The following NEGR1 variants were observed in gnomAD, a reference collection of about 807,000 sequenced individuals.
The protein encoded by NEGR1 is IgLON family member 4.
NEGR1 carries 10 observed loss-of-function variants against 40.9 expected under a neutral mutation model. The ratio of observed to expected loss-of-function variants is 0.24; its 90% CI spans 0.15 to 0.42. The LOEUF (loss-of-function observed/expected upper bound fraction) is 0.42, where lower values mean the gene tolerates loss of function less well. Among genes scored for constraint, NEGR1 ranks in the 10% least tolerant of loss-of-function variants. The probability of loss-of-function intolerance (pLI) is 1.00; values close to 1 mark genes in which losing one functional copy is unlikely to be tolerated. For missense variants in NEGR1, 352 were observed against 438.9 expected, an observed-to-expected ratio of 0.80 and a Z score of 1.77; for synonymous variants, 185 against 166.8, an observed-to-expected ratio of 1.11 and a Z score of -0.84.
At chr1:71,408,468 G>A (rs938833474) in intron 6 of NEGR1, among the ~76,000 whole-genome samples, 2 of 151,988 alleles carry the variant, frequency 1.3e-5, no homozygotes, top group African/African-American at 4.8e-5. Context: ...CATGGTACTT[G>A]GCTAACAGTC....
intron 3 of NEGR1, among the ~76,000 whole-genome samples, chr1:71,763,987 T>C (rs1412488896): frequency 6.6e-6 from 1 of 152,110 alleles, no homozygotes; most frequent in African/African-American, 2.4e-5. Flanking sequence ...AGCCATGTAG[T>C]ATAAAGAAGA....
At chr1:71,820,602 G>A (rs1277535267) in intron 2 of NEGR1, among the ~76,000 whole-genome samples, 3 of 151,964 alleles carry the variant, frequency 2.0e-5, no homozygotes, top group African/African-American at 7.2e-5. Context: ...GTTGCGGTTA[G>A]GGTCCATCTT....
intron 1 of NEGR1, among the ~76,000 whole-genome samples, chr1:72,206,743 G>C (rs1389261843): frequency 6.6e-6 from 1 of 152,048 alleles, no homozygotes; most frequent in East Asian, 1.9e-4. Flanking sequence ...TAGAGATGTA[G>C]ATTTGCTAAA....
intron 1 of NEGR1, among the ~76,000 whole-genome samples, chr1:72,193,127 T>C (rs755268706): frequency 3.3e-5 from 5 of 151,748 alleles, no homozygotes; most frequent in African/African-American, 4.8e-5. Flanking sequence ...CATAAGACAA[T>C]AGAAAAATCA....
intron 6 of NEGR1, among the ~76,000 whole-genome samples, chr1:71,428,082 C>T (rs1303740749): frequency 6.6e-6 from 1 of 152,090 alleles, no homozygotes; most frequent in Non-Finnish European, 1.5e-5. Context: ...AAGACACTTA[C>T]TGAAAGGGCA....
chr1:71,702,739 A>AC (rs1653741598), intron 3 of NEGR1, among the ~76,000 whole-genome samples: 1 of 146,578 alleles, frequency 6.8e-6, no homozygotes, highest in Non-Finnish European at 1.5e-5. Context: ...AAAAAAAAAA[A>AC]AAACACTTTC....
intron 6 of NEGR1, among the ~76,000 whole-genome samples, chr1:71,568,228 A>T (rs1648685281): frequency 6.6e-6 from 1 of 152,186 alleles, no homozygotes; most frequent in Non-Finnish European, 1.5e-5. Context: ...GGTGTATTAG[A>T]GGCCTTTTAA....
At chr1:71,772,855 G>T (rs1656375468) in intron 3 of NEGR1, among the ~76,000 whole-genome samples, 1 of 152,008 alleles carries the variant, frequency 6.6e-6, no homozygotes, top group Non-Finnish European at 1.5e-5. Flanking sequence ...AAATCCCAAT[G>T]AATCTAACTG....
intron 1 of NEGR1, among the ~76,000 whole-genome samples, chr1:72,216,417 G>C (rs1228793387): frequency 7.6e-6 from 1 of 130,976 alleles, no homozygotes; most frequent in Non-Finnish European, 1.5e-5. Flanking sequence ...ATATATATAT[G>C]TATATCTATA....
intron 1 of NEGR1, among the ~76,000 whole-genome samples, chr1:72,149,548 A>G: frequency 6.6e-6 from 1 of 152,162 alleles, no homozygotes. Flanking sequence ...GGAACCATGA[A>G]GCACAATCAA....
intron 2 of NEGR1, among the ~76,000 whole-genome samples, chr1:71,929,755 G>GTTTTTTTT (rs1645837614): frequency 6.9e-6 from 1 of 144,198 alleles, no homozygotes; most frequent in Non-Finnish European, 1.5e-5. Context: ...TCTTCTTTTG[G>GTTTTTTTT]TCTTTTGGGA....
chr1:71,682,828 C>T (rs1032588448), intron 4 of NEGR1, among the ~76,000 whole-genome samples: 16 of 152,228 alleles, frequency 1.1e-4, no homozygotes, highest in African/African-American at 3.9e-4. Context: ...CATTAGTTAT[C>T]AGGATAACTG....
intron 1 of NEGR1, among the ~76,000 whole-genome samples, chr1:72,247,401 G>A (rs1654936964): frequency 6.6e-6 from 1 of 152,134 alleles, no homozygotes; most frequent in Non-Finnish European, 1.5e-5. Context: ...TTGAGCATAG[G>A]TTGTTGGAAG....
At chr1:71,896,452 C>A (rs1660976726) in intron 2 of NEGR1, among the ~76,000 whole-genome samples, 1 of 152,098 alleles carries the variant, frequency 6.6e-6, no homozygotes. Context: ...ATACTAGTGC[C>A]TTATCTAAGA....
chr1:71,416,341 G>C (rs533396767), intron 6 of NEGR1, among the ~76,000 whole-genome samples: 1 of 152,204 alleles, frequency 6.6e-6, no homozygotes, highest in South Asian at 2.1e-4. Flanking sequence ...GTGTTAGGAA[G>C]GTTACCTAAA....
At chr1:72,247,043 G>T (rs1156507961) in intron 1 of NEGR1, among the ~76,000 whole-genome samples, 1 of 152,218 alleles carries the variant, frequency 6.6e-6, no homozygotes. Flanking sequence ...AGGATGTAGG[G>T]AGCAGTGTCT....
intron 1 of NEGR1, among the ~76,000 whole-genome samples, chr1:72,076,139 T>C (rs920499962): frequency 6.6e-6 from 1 of 152,208 alleles, no homozygotes; most frequent in Non-Finnish European, 1.5e-5. Flanking sequence ...TGTAGCCATA[T>C]GCAATGGACT....
chr1:71,927,688 T>A (rs1013474406), intron 2 of NEGR1, among the ~76,000 whole-genome samples: 5 of 151,116 alleles, frequency 3.3e-5, no homozygotes, highest in Admixed American at 3.3e-4. Context: ...GGGAATATAA[T>A]GGTAGTCCTG....
intron 6 of NEGR1, among the ~76,000 whole-genome samples, chr1:71,492,553 T>A (rs954395179): frequency 1.3e-5 from 2 of 152,114 alleles, no homozygotes; most frequent in Non-Finnish European, 2.9e-5. Flanking sequence ...TCTTTTTACC[T>A]CCCTTCTCTA....
Sources: gnomAD v4.1 joint callset for allele counts (sites outside exome capture counted in the v4.1 genomes callset) on GRCh38, gnomAD v4.1.1 for gene constraint, MANE v1.5 for transcripts, NCBI Gene and HGNC (gene_info 2026-07-23, HGNC 2026-07-21) for gene names.